The following DOCK5 variants were observed in gnomAD, a reference collection of about 807,000 sequenced individuals.
The protein encoded by DOCK5 is dedicator of cytokinesis 5.
A neutral mutation model predicts 251.8 loss-of-function variants in DOCK5; 142 were observed. The observed-to-expected ratio is 0.56, with a 90% confidence interval of 0.49 to 0.65. The LOEUF (loss-of-function observed/expected upper bound fraction) is 0.65, where lower values mean the gene tolerates loss of function less well. Among genes scored for constraint, DOCK5 ranks in the 30% least tolerant of loss-of-function variants. DOCK5 has a pLI of 0.00. For synonymous variants in DOCK5, 842 were observed against 835.5 expected, an observed-to-expected ratio of 1.01 and a Z score of -0.13; for missense variants, 2,111 against 2,312.3, an observed-to-expected ratio of 0.91 and a Z score of 1.79.
chr8:25,372,757 C>T, intron 35 of DOCK5, 39 bp downstream of exon 35: 3 of 1,580,714 alleles, frequency 1.9e-6, no homozygotes, highest in Non-Finnish European at 2.6e-6. Flanking sequence ...AGGGTACTGT[C>T]AGGCCGCCCC....
intron 14 of DOCK5, among the ~76,000 whole-genome samples, chr8:25,319,008 G>A (rs1480919587): frequency 6.6e-6 from 1 of 152,124 alleles, no homozygotes; most frequent in African/African-American, 2.4e-5. Flanking sequence ...GTTGATAAGA[G>A]CACATGAGCT....
rs181336567 is a variant in DOCK5, at chr8:25,307,141, C to T, written c.1050-1642C>T. Among the ~76,000 whole-genome samples, 15 of 148,458 alleles carry T rather than the reference C, an allele frequency of 1.0e-4. No individual in the cohort carries two copies. The East Asian group carries it at 2.4e-3, about 23-fold the overall frequency. ...AATAATCTTTTTTTTTTTTTTGAGACGGAGATTTGCTCTTGTTGCCCAGGC... is the reference window on the plus strand; with the variant it reads ...AATAATCTTTTTTTTTTTTTTGAGATGGAGATTTGCTCTTGTTGCCCAGGC... On this transcript the variant is annotated intron_variant, in intron 11 of 51. Coordinates refer to ENST00000276440, the MANE Select transcript of DOCK5 (RefSeq NM_024940.8).
At chr8:25,213,205 GGTCTCCGT>G (rs1439351379) in intron 1 of DOCK5, among the ~76,000 whole-genome samples, 1 of 151,908 alleles carries the variant, frequency 6.6e-6, no homozygotes, top group East Asian at 1.9e-4. Flanking sequence ...AAACGGGGAA[GGTCTCCGT>G]GTTTCCAGCC....
At chr8:25,366,676 T>A (rs1320694125) in intron 30 of DOCK5, among the ~76,000 whole-genome samples, 194 bp from the exon 31 acceptor site, 1 of 152,190 alleles carries the variant, frequency 6.6e-6, no homozygotes, top group African/African-American at 2.4e-5. Flanking sequence ...TAGCTTAAAT[T>A]TTTTTAAAAA....
chr8:25,275,509 T>G (rs2117125038), intron 4 of DOCK5, 68 bp downstream of exon 4: 1 of 1,482,234 alleles, frequency 6.7e-7, no homozygotes, highest in Non-Finnish European at 9.3e-7. Context: ...ATGATAATCT[T>G]TAGGCATTAA....
intron 1 of DOCK5, among the ~76,000 whole-genome samples, chr8:25,225,815 C>T (rs1053597514): frequency 6.6e-6 from 1 of 151,954 alleles, no homozygotes; most frequent in Non-Finnish European, 1.5e-5. Flanking sequence ...TGTGGTTCTA[C>T]TTATATGAGG....
rs549668580 is a variant in DOCK5 at position 25,271,866 on chromosome 8, A to T, written c.168+2981A>T. Among the ~76,000 whole-genome samples, 6 of 152,318 alleles carry T rather than the reference A, an allele frequency of 3.9e-5. No homozygotes were observed. In the South Asian group the frequency reaches 1.0e-3, roughly 26 times the overall value. ...CATCATGGCATAGGAGTCATTCTAT[A>T]AGCATCAGATTTGCCAGAGCAATTC... On this transcript the variant is annotated intron_variant, in intron 3 of 51. Coordinates refer to ENST00000276440, the MANE Select transcript of DOCK5 (RefSeq NM_024940.8).
At chr8:25,236,977 G>A (rs965921938) in intron 1 of DOCK5, among the ~76,000 whole-genome samples, 1 of 152,046 alleles carries the variant, frequency 6.6e-6, no homozygotes, top group Non-Finnish European at 1.5e-5. Context: ...TCTTTCTTTT[G>A]TAGATTCTAT....
intron 1 of DOCK5, among the ~76,000 whole-genome samples, chr8:25,197,846 T>G (rs1801774185): frequency 6.6e-6 from 1 of 150,812 alleles, no homozygotes; most frequent in Non-Finnish European, 1.5e-5. Flanking sequence ...AGCCTCCCTG[T>G]TTCACGCCAT....
chr8:25,401,927 A>G (rs1254302590), intron 47 of DOCK5, among the ~76,000 whole-genome samples: 2 of 152,168 alleles, frequency 1.3e-5, no homozygotes, highest in Non-Finnish European at 2.9e-5. Flanking sequence ...ATATGCATGT[A>G]GCTGCTTTCA....
At chr8:25,370,419 G>C (rs961928456) in intron 34 of DOCK5, among the ~76,000 whole-genome samples, 5 of 152,180 alleles carry the variant, frequency 3.3e-5, no homozygotes, top group Non-Finnish European at 7.3e-5. Flanking sequence ...AGGAGATGAT[G>C]TGCTAACATA....
At chr8:25,266,044 C>T (rs900148528) in intron 2 of DOCK5, among the ~76,000 whole-genome samples, 8 of 151,834 alleles carry the variant, frequency 5.3e-5, no homozygotes, top group Admixed American at 3.3e-4. Context: ...CTTTTTGCAA[C>T]TGTCATTTCC....
At chr8:25,354,594 C>A in intron 27 of DOCK5, among the ~76,000 whole-genome samples, 1 of 151,766 alleles carries the variant, frequency 6.6e-6, no homozygotes, top group Non-Finnish European at 1.5e-5. Flanking sequence ...GATGGCGGTG[C>A]CAAAAGAAGC....
intron 2 of DOCK5, among the ~76,000 whole-genome samples, chr8:25,247,946 C>A (rs1803161325): frequency 6.6e-6 from 1 of 151,802 alleles, no homozygotes; most frequent in African/African-American, 2.4e-5. Flanking sequence ...TAACTGCTAC[C>A]ATAACATTTT....
intron 6 of DOCK5, among the ~76,000 whole-genome samples, chr8:25,294,433 TA>T (rs1359956287): frequency 6.6e-6 from 1 of 152,216 alleles, no homozygotes; most frequent in African/African-American, 2.4e-5. Context: ...TGCTCTTTGG[TA>T]CCGGGAATGC....
intron 14 of DOCK5, 131 bp downstream of exon 14, chr8:25,317,262 G>C: frequency 7.0e-7 from 1 of 1,420,518 alleles, no homozygotes; most frequent in South Asian, 1.4e-5. Context: ...GAAATATAAA[G>C]CCTGTTAAAT....
intron 30 of DOCK5, among the ~76,000 whole-genome samples, chr8:25,366,355 G>A (rs1015609497): frequency 1.3e-5 from 2 of 152,070 alleles, no homozygotes; most frequent in Admixed American, 6.6e-5. Context: ...GCTAGGCCTG[G>A]TAGTGGGTGC....
chr8:25,368,815 A>G, intron 33 of DOCK5, 90 bp downstream of exon 33: 1 of 1,310,762 alleles, frequency 7.6e-7, no homozygotes, highest in Non-Finnish European at 1.0e-6. Flanking sequence ...CAGTAACCTT[A>G]ATAATGCAAG....
At chr8:25,254,870 A>G (rs776967601) in intron 2 of DOCK5, among the ~76,000 whole-genome samples, 3 of 151,680 alleles carry the variant, frequency 2.0e-5, no homozygotes, top group Non-Finnish European at 4.4e-5. Context: ...TAAGAAAACA[A>G]CCCACTTAAA....
Sources: allele counts gnomAD v4.1 joint callset (sites outside exome capture counted in the v4.1 genomes callset), GRCh38; gene constraint gnomAD v4.1.1; transcripts MANE v1.5; gene names NCBI Gene and HGNC (gene_info 2026-07-23, HGNC 2026-07-21).